The following PPP2R5C variants were observed in gnomAD, a reference collection of about 807,000 sequenced individuals.
The protein encoded by PPP2R5C is protein phosphatase 2 regulatory subunit B'gamma.
A neutral mutation model predicts 68.9 loss-of-function variants in PPP2R5C; 7 were observed. The ratio of observed to expected loss-of-function variants is 0.10; its 90% CI spans 0.06 to 0.19. The LOEUF is 0.19. Ranked by LOEUF, PPP2R5C falls within the 10% of genes least tolerant of loss-of-function variation. The probability of loss-of-function intolerance (pLI) is 1.00; values close to 1 mark genes in which losing one functional copy is unlikely to be tolerated. For missense variants in PPP2R5C, 348 were observed against 641.3 expected, an observed-to-expected ratio of 0.54 and a Z score of 4.94; for synonymous variants, 210 against 222.2, an observed-to-expected ratio of 0.95 and a Z score of 0.49.
intron 13 of PPP2R5C, 50 bp from the exon 16 acceptor site, chr14:101,925,091 T>C (rs767601104): frequency 1.9e-6 from 3 of 1,602,554 alleles, no homozygotes; most frequent in Non-Finnish European, 2.6e-6. Context: ...GTAAGCTTGC[T>C]TTTCAGATAG....
chr14:101,760,941 A>AGGGGACGGGCTGGTCGAGG (rs2036476217), upstream of PPP2R5C, among the ~76,000 whole-genome samples: 1 of 70,774 alleles, frequency 1.4e-5, no homozygotes, highest in Non-Finnish European at 2.7e-5. Flanking sequence ...CCGAGGGAAG[A>AGGGGACGGGCTGGTCGAGG]GGAGGGGAGG....
At chr14:101,827,695 C>T (rs1310886060) in intron 1 of PPP2R5C, among the ~76,000 whole-genome samples, 1 of 152,162 alleles carries the variant, frequency 6.6e-6, no homozygotes, top group Non-Finnish European at 1.5e-5. Flanking sequence ...TAAATTATCT[C>T]GTTTTGGGAA....
intron 1 of PPP2R5C, among the ~76,000 whole-genome samples, chr14:101,826,279 T>C (rs989693880): frequency 1.3e-5 from 2 of 152,244 alleles, no homozygotes; most frequent in African/African-American, 4.8e-5. Flanking sequence ...TGAATTCTCT[T>C]ACATTTGGTC....
rs1468858594 is a variant in PPP2R5C at position 101,916,136 on chromosome 14, C to T, written c.1327-1695C>T. Among the ~76,000 whole-genome samples the T allele has an allele frequency of 6.6e-6, 1 of 152,160 alleles. No homozygotes were observed. The highest frequency in any genetic ancestry group is 1.5e-5 in the Non-Finnish European group (1 of 68,032). ...CCATAAAGGGCAAAATGGCCCAGCC[C>T]GACTTGCATTTTTGCAAGCTCTTTG... On this transcript the variant is annotated intron_variant, in intron 12 of 13. Transcript: ENST00000334743. The surrounding 1 kb of genome is among the most constrained non-coding windows in gnomAD (Gnocchi z 5.5).
chr14:101,885,535 T>C (rs2044445486), intron 5 of PPP2R5C, among the ~76,000 whole-genome samples: 1 of 151,974 alleles, frequency 6.6e-6, no homozygotes, highest in Admixed American at 6.5e-5. Context: ...GCACCCTGCC[T>C]TTCCCCTCTG....
chr14:101,838,235 C>T (rs1441678360), intron 1 of PPP2R5C, among the ~76,000 whole-genome samples: 1 of 152,108 alleles, frequency 6.6e-6, no homozygotes, highest in Admixed American at 6.5e-5. Context: ...AGAGTAAAGA[C>T]AAGTAGACCT....
chr14:101,894,605 C>G lies in PPP2R5C; in HGVS notation c.852+45C>G, dbSNP rs1314391378. ...CGTCTTGTAAGATGTGTGCATTTCA[C>G]TAAATGTAAATATTACAACATCTGC... On this transcript the variant is annotated intron_variant, in intron 8 of 13. Coordinates refer to ENST00000334743, the Ensembl canonical transcript of PPP2R5C. 3 of 1,550,896 alleles carry G rather than the reference C, an allele frequency of 1.9e-6. No individual in the cohort carries two copies. In the Admixed American group the frequency reaches 5.1e-5, roughly 26 times the overall value.
rs186739480 is a variant in PPP2R5C at position 101,916,462 on chromosome 14, G to A, written c.1327-1369G>A. Among the ~76,000 whole-genome samples the A allele has an allele frequency of 4.6e-5, 7 of 152,330 alleles. No individual in the cohort carries two copies. The highest frequency in any genetic ancestry group is 1.7e-4 in the African/African-American group (7 of 41,574). On this transcript the variant is annotated intron_variant, in intron 12 of 13. Coordinates refer to ENST00000334743, the Ensembl canonical transcript of PPP2R5C. This position sits in a 1 kb window ranked among gnomAD's most constrained non-coding sequence, Gnocchi z 5.5. Reference sequence around the variant, plus strand: ...ACAGCCCACAGAGGAAGGAGCCCAAGGCACCTGGAGGAGAGGCTGGGGTCA... The same window carrying A: ...ACAGCCCACAGAGGAAGGAGCCCAAAGCACCTGGAGGAGAGGCTGGGGTCA...
In PPP2R5C at chr14:101,882,053, A is replaced by G; in HGVS notation, c.295-108A>G. The stretch of plus-strand genomic sequence containing the variant: ...GCGTTTTGAGGATACGGAGGAGCTA[A>G]GTTACCATGGGAAGCGGCTACTGTT... On this transcript the variant is annotated intron_variant, in intron 2 of 13. Transcript: ENST00000334743. The surrounding 1 kb of genome is among the most constrained non-coding windows in gnomAD (Gnocchi z 4.9). 1.1e-6 allele frequency: 1 copy of G among 890,944 alleles called. No homozygotes were observed. Among genetic ancestry groups the G allele is most frequent in the South Asian group, 1.9e-5 (1 of 52,490 alleles). The allele number at this position is 890,944 out of a possible 1,614,324, so 55.2% of individuals were successfully genotyped here. A position where few individuals can be genotyped will look rare whatever the true frequency, so the allele number is the denominator to read the frequency against.
At chr14:101,866,477 C>T (rs959384445) in intron 2 of PPP2R5C, among the ~76,000 whole-genome samples, 1 of 152,100 alleles carries the variant, frequency 6.6e-6, no homozygotes, top group Non-Finnish European at 1.5e-5. Flanking sequence ...AGCTGAAGGC[C>T]TCGCCAACAT....
In PPP2R5C at chr14:101,880,334, C is replaced by G. The variant is rs753038923; in HGVS notation, c.295-1827C>G. Among the ~76,000 whole-genome samples, 48 of 152,194 alleles carry G rather than the reference C, an allele frequency of 3.2e-4. 1 individual carries two copies. The highest frequency in any genetic ancestry group is 1.6e-4 in the Non-Finnish European group (11 of 68,036). ...TTTCATCCCTGCGTTTCTACAGTATCCGTGAAGGCCATTACAGTTGGTCTT... is the reference window on the plus strand; with the variant it reads ...TTTCATCCCTGCGTTTCTACAGTATGCGTGAAGGCCATTACAGTTGGTCTT... On this transcript the variant is annotated intron_variant, in intron 2 of 13. Transcript: ENST00000334743.
intron 2 of PPP2R5C, among the ~76,000 whole-genome samples, chr14:101,857,547 T>G (rs2042495646): frequency 6.6e-6 from 1 of 151,924 alleles, no homozygotes; most frequent in Non-Finnish European, 1.5e-5. Context: ...AGTCTTATCA[T>G]CCTGCAGTTA....
chr14:101,827,450 C>G (rs1487227939), intron 1 of PPP2R5C, among the ~76,000 whole-genome samples: 1 of 152,170 alleles, frequency 6.6e-6, no homozygotes, highest in Non-Finnish European at 1.5e-5. Flanking sequence ...GTTTCCTTAA[C>G]TGTCTGCCCT....
At chr14:101,769,998 G>A (rs917448949) in intron 2 of PPP2R5C, among the ~76,000 whole-genome samples, 1 of 152,130 alleles carries the variant, frequency 6.6e-6, no homozygotes, top group African/African-American at 2.4e-5. Flanking sequence ...CACCTGTACA[G>A]CATGTCATTT....
At chr14:101,897,606 C>G (rs1382049335) in intron 8 of PPP2R5C, among the ~76,000 whole-genome samples, 1 of 151,920 alleles carries the variant, frequency 6.6e-6, no homozygotes, top group Non-Finnish European at 1.5e-5. Context: ...GTTCTTCTGC[C>G]TGCTTTATAT....
intron 1 of PPP2R5C, among the ~76,000 whole-genome samples, chr14:101,830,619 A>T (rs1007083405): frequency 1.3e-5 from 2 of 152,188 alleles, no homozygotes; most frequent in African/African-American, 4.8e-5. Flanking sequence ...GTGTATCTGG[A>T]TCATTTTAAG....
chr14:101,858,364 A>G (rs1299260311), intron 2 of PPP2R5C, among the ~76,000 whole-genome samples: 1 of 152,096 alleles, frequency 6.6e-6, no homozygotes, highest in East Asian at 1.9e-4. Context: ...ATAGTTGTAC[A>G]TATTTATGGA....
chr14:101,761,518 A>G (rs1478617340), upstream of PPP2R5C, among the ~76,000 whole-genome samples: 1 of 130,060 alleles, frequency 7.7e-6, no homozygotes, highest in Non-Finnish European at 1.7e-5. Context: ...GGGGAGCGTT[A>G]GGGTACGTGG....
At chr14:101,820,492 C>T (rs572641111) in intron 1 of PPP2R5C, 1 of 152,356 alleles carries the variant, frequency 6.6e-6, no homozygotes, top group South Asian at 2.1e-4. Flanking sequence ...ATGTAACTGA[C>T]AGGTTCATCA....
Sources: gnomAD v4.1 joint callset for allele counts (sites outside exome capture counted in the v4.1 genomes callset) on GRCh38, gnomAD v4.1.1 for gene constraint, Gnocchi (gnomAD v3.1) non-coding constraint, MANE v1.5 for transcripts, NCBI Gene and HGNC (gene_info 2026-07-23, HGNC 2026-07-21) for gene names.